MVB12B: variants seen among roughly 807,000 people sequenced by gnomAD.
MVB12B encodes the protein multivesicular body subunit 12B, also known as ESCRT-I complex subunit MVB12B.
A neutral mutation model predicts 41.6 loss-of-function variants in MVB12B; 16 were observed. The ratio of observed to expected loss-of-function variants is 0.38; its 90% CI spans 0.26 to 0.58. The LOEUF (loss-of-function observed/expected upper bound fraction) is 0.58. Among genes scored for constraint, MVB12B ranks in the 20% least tolerant of loss-of-function variants. MVB12B has a pLI of 0.62. For missense variants in MVB12B, 274 were observed against 380.2 expected (o/e 0.72, Z 2.32); for synonymous variants, 133 against 139.7 (o/e 0.95, Z 0.34).
At chr9:126,451,150 C>A (rs978324495) in intron 7 of MVB12B, among the ~76,000 whole-genome samples, 36 of 152,176 alleles carry the variant, frequency 2.4e-4, no homozygotes, top group Non-Finnish European at 4.4e-5. Flanking sequence ...GTATTCCCAG[C>A]CTTGCCTTTC....
intron 7 of MVB12B, among the ~76,000 whole-genome samples, chr9:126,453,131 C>G (rs1338230820): frequency 6.6e-6 from 1 of 152,076 alleles, no homozygotes; most frequent in East Asian, 1.9e-4. Context: ...GCTGAAAGTG[C>G]TTTGTCAGCT....
rs199782833 is a variant in MVB12B, at chr9:126,483,954, A to G, written c.814-19A>G. ...CATTTTCCAGCTATTTAAAAGGGCA[A>G]CTTCATCTGTGTTTTCAGATGCAGC... On this transcript the variant is annotated intron_variant, in intron 8 of 9. Transcript: ENST00000361171. 2.9e-3 allele frequency: 4,677 copies of G among 1,613,738 alleles called. 7 individuals carry two copies. Among genetic ancestry groups the G allele is most frequent in the Non-Finnish European group, 3.6e-3 (4,303 of 1,179,684 alleles).
chr9:126,396,448 T>C (rs1466424994), intron 6 of MVB12B: 2 of 985,370 alleles, frequency 2.0e-6, no homozygotes, highest in Non-Finnish European at 1.2e-6. Flanking sequence ...CACTTAGGGA[T>C]TGACATAACG....
intron 1 of MVB12B, among the ~76,000 whole-genome samples, chr9:126,336,102 T>C (rs1274684912): frequency 6.6e-6 from 1 of 152,234 alleles, no homozygotes; most frequent in Non-Finnish European, 1.5e-5. Flanking sequence ...CCCCCTGCAG[T>C]TGTTGCTCCC....
chr9:126,477,315 G>T, intron 7 of MVB12B, among the ~76,000 whole-genome samples: 1 of 152,184 alleles, frequency 6.6e-6, no homozygotes, highest in East Asian at 1.9e-4. Flanking sequence ...CAACATTGGG[G>T]ATTACATTTT....
chr9:126,431,740 G>A (rs1420183416), intron 7 of MVB12B, among the ~76,000 whole-genome samples: 3 of 152,152 alleles, frequency 2.0e-5, no homozygotes, highest in African/African-American at 4.8e-5. Context: ...AAGCAGGGTG[G>A]GAGCCCAAAC....
intron 2 of MVB12B, among the ~76,000 whole-genome samples, chr9:126,373,189 A>G (rs1428876065): frequency 6.6e-6 from 1 of 152,260 alleles, no homozygotes; most frequent in Non-Finnish European, 1.5e-5. Context: ...GATGCAAATA[A>G]AATCAGAACC....
At chr9:126,422,150 A>T (rs1442136360) in intron 7 of MVB12B, among the ~76,000 whole-genome samples, 1 of 152,124 alleles carries the variant, frequency 6.6e-6, no homozygotes, top group African/African-American at 2.4e-5. Context: ...AATACTCAGC[A>T]TGTTTTGAAA....
At chr9:126,356,103 A>G (rs477619) in intron 2 of MVB12B, among the ~76,000 whole-genome samples, 151,673 of 152,354 alleles carry the variant, frequency 1, 75,504 homozygotes, top group Middle Eastern at 1. Context: ...TTTAGAATAT[A>G]TTTTAATGTC....
intron 3 of MVB12B, among the ~76,000 whole-genome samples, chr9:126,385,632 T>C (rs1432349034): frequency 2.0e-5 from 3 of 152,220 alleles, no homozygotes; most frequent in Non-Finnish European, 1.5e-5. Context: ...GAGGCACTTC[T>C]GCAAAATGGG....
rs929300418 is a variant in MVB12B at position 126,391,289 on chromosome 9, G to A, written c.410-777G>A. ...GGGAGTGACCCGATTTCTCCAACCT[G>A]TTAGTGCCCTGAAGAAAAGGGAACA... On this transcript the variant is annotated intron_variant, in intron 4 of 9. Coordinates refer to ENST00000361171, the MANE Select transcript of MVB12B (RefSeq NM_033446.3). The surrounding 1 kb of genome is among the most constrained non-coding windows in gnomAD (Gnocchi z 4.4). Among the ~76,000 whole-genome samples the A allele has an allele frequency of 1.3e-5, 2 of 152,214 alleles. No individual in the cohort carries two copies. The highest frequency in any genetic ancestry group is 2.4e-5 in the African/African-American group (1 of 41,460).
At chr9:126,357,909 A>G (rs1284776578) in intron 2 of MVB12B, among the ~76,000 whole-genome samples, 1 of 152,118 alleles carries the variant, frequency 6.6e-6, no homozygotes, top group Non-Finnish European at 1.5e-5. Context: ...CCCTAAGGTC[A>G]AGATTTTTCC....
At chr9:126,481,092 T>G in intron 7 of MVB12B, 2 of 467,002 alleles carry the variant, frequency 4.3e-6, no homozygotes, top group Non-Finnish European at 7.6e-6. Flanking sequence ...AGAGTAGGGG[T>G]TCTGGACCAG....
Position 126,340,636 on chromosome 9 carries a change from T to A in MVB12B, c.204+6T>A. 2 of 1,613,746 alleles carry A rather than the reference T, an allele frequency of 1.2e-6. No homozygotes were observed. The highest frequency in any genetic ancestry group is 1.7e-6 in the Non-Finnish European group (2 of 1,179,734). ...CCCCGACAGGCTATGACGTAGTAAG[T>A]CAAGATACTAGTTTGTACATTTTGC... On this transcript the variant is annotated splice_donor_region_variant and intron_variant, in intron 2 of 9. Coordinates refer to ENST00000361171, the MANE Select transcript of MVB12B (RefSeq NM_033446.3). The surrounding 1 kb of genome is among the most constrained non-coding windows in gnomAD (Gnocchi z 4.0).
rs150311711 is a variant in MVB12B, at chr9:126,499,691, T to C, written c.874-3486T>C. ...ATGTCGCGGGACATATGTTGAAATTTCATTTGGGGAGTTAGGGAAAACAAG... is the reference window on the plus strand; with the variant it reads ...ATGTCGCGGGACATATGTTGAAATTCCATTTGGGGAGTTAGGGAAAACAAG... On this transcript the variant is annotated intron_variant, in intron 9 of 9. Transcript: ENST00000361171. 3.6e-4 allele frequency among the ~76,000 whole-genome samples: 55 copies of C among 152,224 alleles called. No individual in the cohort carries two copies. In the East Asian group the frequency reaches 9.7e-3, roughly 27 times the overall value.
chr9:126,384,789 T>G (rs902992373), intron 3 of MVB12B, among the ~76,000 whole-genome samples: 54 of 150,658 alleles, frequency 3.6e-4, no homozygotes, highest in African/African-American at 1.3e-3. Flanking sequence ...TGCCTCGGCC[T>G]CCCAAAGTGC....
intron 7 of MVB12B, among the ~76,000 whole-genome samples, chr9:126,466,946 G>A (rs1171670304): frequency 6.6e-6 from 1 of 151,950 alleles, no homozygotes; most frequent in East Asian, 1.9e-4. Context: ...TCCTGCTTCA[G>A]CCTCCCGAGT....
At chr9:126,435,285 A>G (rs1832440334) in intron 7 of MVB12B, among the ~76,000 whole-genome samples, 1 of 152,072 alleles carries the variant, frequency 6.6e-6, no homozygotes, top group Admixed American at 6.5e-5. Context: ...GTGTGACCTC[A>G]CCTAAAAGTC....
chr9:126,502,863 C>T (rs1198519358), intron 9 of MVB12B, among the ~76,000 whole-genome samples: 1 of 152,178 alleles, frequency 6.6e-6, no homozygotes, highest in Non-Finnish European at 1.5e-5. Context: ...GGCAGATGGG[C>T]GGCACCGTGG....
Sources: allele counts gnomAD v4.1 joint callset (sites outside exome capture counted in the v4.1 genomes callset), GRCh38; gene constraint gnomAD v4.1.1; non-coding constraint Gnocchi (gnomAD v3.1); transcripts MANE v1.5; gene names NCBI Gene and HGNC (gene_info 2026-07-23, HGNC 2026-07-21).